NRK: variants seen among roughly 807,000 people sequenced by gnomAD.
The protein encoded by NRK is Nik related kinase.
A neutral mutation model predicts 125.2 loss-of-function variants in NRK; 67 were observed. That is an observed-to-expected ratio of 0.54 (90% CI 0.44 to 0.66). The LOEUF is 0.66. NRK is among the 30% of genes least tolerant of loss of function. NRK has a pLI of 0.00. For missense variants in NRK, 1,224 were observed against 1,192.9 expected (o/e 1.03, Z -0.38); for synonymous variants, 458 against 429.0 (o/e 1.07, Z -0.84).
At chrX:105,828,278 A>G (rs1023166243) in intron 1 of NRK, among the ~76,000 whole-genome samples, 5 of 112,151 alleles carry the variant, frequency 4.5e-5, no homozygotes, top group Non-Finnish European at 9.4e-5. Context: ...TTTATTAAAC[A>G]TGAGTATGAA....
chrX:105,944,346 A>T (rs763249396), intron 24 of NRK, among the ~76,000 whole-genome samples: 10 of 111,183 alleles, frequency 9.0e-5, no homozygotes, highest in Non-Finnish European at 1.9e-4. Flanking sequence ...GGCATACATC[A>T]CACCTGGTTA....
chrX:105,831,802 G>A (rs1235151937), intron 2 of NRK, among the ~76,000 whole-genome samples: 5 of 111,466 alleles, frequency 4.5e-5, no homozygotes, highest in African/African-American at 1.6e-4. Context: ...TTCTGTATCT[G>A]TGCGTTCCAC....
intron 2 of NRK, among the ~76,000 whole-genome samples, chrX:105,852,061 A>G (rs368797158): frequency 1.8e-5 from 2 of 112,205 alleles, no homozygotes; most frequent in Admixed American, 9.5e-5. Context: ...ACCATATTAG[A>G]TAAATGGAGA....
At chrX:105,867,952 C>T (rs1482793223) in intron 2 of NRK, among the ~76,000 whole-genome samples, 2 of 111,266 alleles carry the variant, frequency 1.8e-5, no homozygotes, top group African/African-American at 6.5e-5. Flanking sequence ...TTTCAAAGAC[C>T]TTGTAATTTT....
chrX:105,909,061 G>A lies in NRK; in HGVS notation c.1420G>A (p.Ala474Thr). ...QIKAPPRLRR[A>T]ARVLMPLQAQ... The stretch of plus-strand genomic sequence containing the variant: ...TAAGGCACCTCCACGACTACGGAGG[G>A]CAGCCAGGGTGCTCATGCCACTACA... The change falls in exon 13 of 29, where the codon GCA (alanine) becomes ACA (threonine). Residue 474 changes from alanine to threonine, a missense_variant. Transcript: ENST00000243300. 1.7e-6 allele frequency: 2 copies of A among 1,210,887 alleles called. No individual in the cohort carries two copies. The highest frequency in any genetic ancestry group is 2.2e-6 in the Non-Finnish European group (2 of 894,849).
chrX:105,958,157 T>C lies in NRK; in HGVS notation c.*2557T>C, dbSNP rs772919435. ...AAAATAAAAGGCATTATTGGAAATA[T>C]TTGAAAACTAGAAAATGATGGATAA... On this transcript the variant is annotated 3_prime_UTR_variant, in exon 29 of 29. Coordinates refer to ENST00000243300, the MANE Select transcript of NRK (RefSeq NM_198465.4). 1 of 112,158 alleles carries C rather than the reference T, an allele frequency of 8.9e-6. No individual in the cohort carries two copies. Among genetic ancestry groups the C allele is most frequent in the South Asian group, 3.7e-4 (1 of 2,705 alleles). The allele number at this position is 112,158 out of a possible 1,213,427, so 9.2% of individuals were successfully genotyped here. A position where few individuals can be genotyped will look rare whatever the true frequency, so the allele number is the denominator to read the frequency against.
rs1249163211 is a variant in NRK at position 105,891,068 on chromosome X, A to T, written c.378+2649A>T. ...AATGACTGGATAAGGATAAATTCTA[A>T]TTAGCACTTGACATGAGCATATGGG... On this transcript the variant is annotated intron_variant, in intron 5 of 28. Coordinates refer to ENST00000243300, the MANE Select transcript of NRK (RefSeq NM_198465.4). 3.6e-5 allele frequency among the ~76,000 whole-genome samples: 4 copies of T among 112,139 alleles called. No homozygotes were observed. In the East Asian group the frequency reaches 8.3e-4, roughly 23 times the overall value.
intron 9 of NRK, among the ~76,000 whole-genome samples, chrX:105,902,053 C>T (rs1222117628): frequency 1.8e-5 from 2 of 110,447 alleles, no homozygotes; most frequent in Admixed American, 9.7e-5. Flanking sequence ...CATGCCTTTC[C>T]GGGAAACCAA....
At chrX:105,920,374 C>T (rs1205147369) in intron 16 of NRK, among the ~76,000 whole-genome samples, 6 of 104,104 alleles carry the variant, frequency 5.8e-5, no homozygotes, top group Non-Finnish European at 7.7e-5. Context: ...CTTGGCGATG[C>T]GGGCTCTTTT....
At chrX:105,832,694 G>A (rs2039210071) in intron 2 of NRK, among the ~76,000 whole-genome samples, 1 of 110,907 alleles carries the variant, frequency 9.0e-6, no homozygotes, top group Admixed American at 9.6e-5. Context: ...CATCTGCCCA[G>A]GTGGGAAAGG....
rs1197622825 is a variant in NRK, at chrX:105,956,085, C to T, written c.*485C>T. The T allele has an allele frequency of 1.8e-5, 2 of 111,696 alleles. No individual in the cohort carries two copies. Among genetic ancestry groups the T allele is most frequent in the African/African-American group, 3.3e-5 (1 of 30,724 alleles). The allele number at this position is 111,696 out of a possible 1,213,427, so 9.2% of individuals were successfully genotyped here. On this transcript the variant is annotated 3_prime_UTR_variant, in exon 29 of 29. Coordinates refer to ENST00000243300, the MANE Select transcript of NRK (RefSeq NM_198465.4). ...ACAAAAATCTTAAAGATTATTATAA[C>T]CCAGACTAAGGTTGAACAACCTGCA...
At chrX:105,900,528 C>T in intron 8 of NRK, 90 bp from the exon 9 acceptor site, 2 of 565,476 alleles carry the variant, frequency 3.5e-6, no homozygotes, top group Middle Eastern at 3.3e-4. Context: ...GCATTGACAT[C>T]CACACCCCCA....
intron 24 of NRK, among the ~76,000 whole-genome samples, chrX:105,945,623 G>A (rs780817735): frequency 8.1e-5 from 9 of 111,207 alleles, no homozygotes; most frequent in Non-Finnish European, 1.3e-4. Context: ...GCTGGAAAGC[G>A]AAGAAATAAG....
rs758326132 is a variant in NRK at position 105,926,418 on chromosome X, C to T, written c.3312+1387C>T. 2.7e-5 allele frequency among the ~76,000 whole-genome samples: 3 copies of T among 111,604 alleles called. No individual in the cohort carries two copies. The South Asian group carries it at 1.1e-3, about 41-fold the overall frequency. On this transcript the variant is annotated intron_variant, in intron 19 of 28. Coordinates refer to ENST00000243300, the MANE Select transcript of NRK (RefSeq NM_198465.4). ...TTCAGGATTTTAATCCCTTGTTGGACGAAGAGTTTGCAGATATTTTCTCTC... is the reference window on the plus strand; with the variant it reads ...TTCAGGATTTTAATCCCTTGTTGGATGAAGAGTTTGCAGATATTTTCTCTC...
intron 1 of NRK, among the ~76,000 whole-genome samples, chrX:105,824,008 A>G (rs985481539): frequency 2.7e-5 from 3 of 112,229 alleles, no homozygotes; most frequent in Non-Finnish European, 5.6e-5. Flanking sequence ...TGTGTTTTTG[A>G]TTATGACAGA....
intron 7 of NRK, among the ~76,000 whole-genome samples, chrX:105,897,588 CT>C (rs1478890900): frequency 9.0e-6 from 1 of 111,542 alleles, no homozygotes; most frequent in African/African-American, 3.3e-5. Flanking sequence ...CATATAGCAA[CT>C]TATGGCCTTC....
Position 105,828,977 on chromosome X carries a change from G to A in NRK, c.58-2077G>A, listed in dbSNP as rs776252970. On this transcript the variant is annotated intron_variant, in intron 1 of 28. Coordinates refer to ENST00000243300, the MANE Select transcript of NRK (RefSeq NM_198465.4). ...TTTTGAAAAACTAAGCTGCTAGGCT[G>A]CTGCTTTATCTAACAATGCTTTTAT... is the stretch of plus-strand genomic sequence containing the variant. 3.6e-5 allele frequency among the ~76,000 whole-genome samples: 4 copies of A among 111,971 alleles called. No individual in the cohort carries two copies. In the South Asian group the frequency reaches 1.1e-3, roughly 31 times the overall value.
At chrX:105,954,203 A>C (rs142363605) in intron 28 of NRK, among the ~76,000 whole-genome samples, 1 of 111,610 alleles carries the variant, frequency 9.0e-6, no homozygotes, top group Middle Eastern at 4.6e-3. Context: ...AATGACTAGC[A>C]TATCTTTTAA....
At position 105,880,249 on chromosome X, in the gene NRK, T is replaced by C; in HGVS notation, c.174T>C (p.Ala58=). 1 of 1,031,471 alleles carries C rather than the reference T, an allele frequency of 9.7e-7. No homozygotes were observed. Among genetic ancestry groups the C allele is most frequent in the Non-Finnish European group, 1.3e-6 (1 of 770,072 alleles). The allele number at this position is 1,031,471 out of a possible 1,213,427, so 85.0% of individuals were successfully genotyped here. A position where few individuals can be genotyped will look rare whatever the true frequency, so the allele number is the denominator to read the frequency against. ...GAFTAVKVMN[A]RKTPLPEIGR... is the part of the protein sequence containing the mutation. ...TTACAGCTGTTAAAGTGATGAACGC[T>C]CGTAAGGTAATATTATAAATTGCCT... The change falls in exon 3 of 29, where the codon GCT becomes GCC. Residue 58 remains alanine (A), a synonymous_variant. Coordinates refer to ENST00000243300, the MANE Select transcript of NRK (RefSeq NM_198465.4).
Sources: allele counts gnomAD v4.1 joint callset (sites outside exome capture counted in the v4.1 genomes callset), GRCh38; gene constraint gnomAD v4.1.1; transcripts MANE v1.5; gene names NCBI Gene and HGNC (gene_info 2026-07-23, HGNC 2026-07-21).